C1QTNF7: variants seen among roughly 807,000 people sequenced by gnomAD.
C1QTNF7 encodes C1q and TNF related 7.
Under a neutral mutation model 19.6 loss-of-function variants are expected in C1QTNF7, and 15 were observed. The ratio of observed to expected loss-of-function variants is 0.76; its 90% CI spans 0.51 to 1.18. The LOEUF (loss-of-function observed/expected upper bound fraction) is 1.18. C1QTNF7 is among the 50% of genes most tolerant of loss of function. The pLI is 0.00. For synonymous variants in C1QTNF7, 142 were observed against 137.5 expected, an observed-to-expected ratio of 1.03 and a Z score of -0.23; for missense variants, 324 against 359.7, an observed-to-expected ratio of 0.90 and a Z score of 0.80.
chr4:15,358,321 T>C (rs1376087335), intron 1 of C1QTNF7: 1 of 152,218 alleles, frequency 6.6e-6, no homozygotes, highest in East Asian at 1.9e-4. Flanking sequence ...TCTGCATCTA[T>C]TGAGATAATC....
chr4:15,404,513 T>C (rs1719124095), intron 1 of C1QTNF7, among the ~76,000 whole-genome samples: 1 of 152,238 alleles, frequency 6.6e-6, no homozygotes, highest in African/African-American at 2.4e-5. Context: ...TTTTTTATGC[T>C]AGTATTATAA....
intron 1 of C1QTNF7, among the ~76,000 whole-genome samples, chr4:15,368,345 G>A (rs1054185786): frequency 6.6e-6 from 1 of 151,876 alleles, no homozygotes; most frequent in African/African-American, 2.4e-5. Context: ...CAACTTGCAG[G>A]TTTGTTACAT....
chr4:15,348,519 G>T (rs1372782655), intron 1 of C1QTNF7, among the ~76,000 whole-genome samples: 1 of 152,098 alleles, frequency 6.6e-6, no homozygotes, highest in Non-Finnish European at 1.5e-5. Flanking sequence ...TAAGTCAGGG[G>T]CTGTCATCTA....
chr4:15,405,241 G>T (rs897120491), intron 1 of C1QTNF7, among the ~76,000 whole-genome samples: 4 of 151,996 alleles, frequency 2.6e-5, no homozygotes, highest in Non-Finnish European at 4.4e-5. Context: ...CACTTGTGTC[G>T]AATGACAGCA....
rs1719451218 is a variant in C1QTNF7 at position 15,412,752 on chromosome 4, A to G, written c.14-22984A>G. On this transcript the variant is annotated intron_variant, in intron 1 of 2. Coordinates refer to the C1QTNF7 transcript ENST00000295297. ...GGAAAGTAAATTACACTAAAAGACA[A>G]CTTGAAAAGACACAAGTGCATCTGC... 2.6e-5 allele frequency among the ~76,000 whole-genome samples: 4 copies of G among 152,342 alleles called. 1 individual carries two copies. In the South Asian group the frequency reaches 8.3e-4, roughly 32 times the overall value.
chr4:15,350,754 C>T (rs1380743266), intron 1 of C1QTNF7, among the ~76,000 whole-genome samples: 3 of 152,124 alleles, frequency 2.0e-5, no homozygotes, highest in African/African-American at 7.2e-5. Flanking sequence ...GCAGATGAAA[C>T]CTATTAAAAT....
At chr4:15,353,832 G>A (rs1264702194) in intron 1 of C1QTNF7, among the ~76,000 whole-genome samples, 1 of 151,800 alleles carries the variant, frequency 6.6e-6, no homozygotes, top group African/African-American at 2.4e-5. Flanking sequence ...TGGAAAATGA[G>A]GCTGAAACTC....
chr4:15,344,774 A>G (rs559091478), intron 1 of C1QTNF7, among the ~76,000 whole-genome samples: 114 of 152,372 alleles, frequency 7.5e-4, no homozygotes, highest in African/African-American at 2.4e-3. Context: ...TAATAATAGT[A>G]TTGGCACACA....
intron 1 of C1QTNF7, among the ~76,000 whole-genome samples, chr4:15,364,837 C>T (rs968590205): frequency 2.0e-5 from 3 of 152,112 alleles, no homozygotes; most frequent in Non-Finnish European, 2.9e-5. Flanking sequence ...CTCATTGTCA[C>T]AGCTGTGTTA....
At position 15,442,447 on chromosome 4, in the gene C1QTNF7, A is replaced by G; in HGVS notation, c.518A>G (p.Asn173Ser). The G allele has an allele frequency of 1.2e-6, 2 of 1,614,232 alleles. No individual in the cohort carries two copies. The highest frequency in any genetic ancestry group is 1.7e-6 in the Non-Finnish European group (2 of 1,180,042). Residue 173 changes from asparagine to serine, a missense_variant, in exon 3 of 3, where the codon AAC becomes AGC. Asn to Ser is a conservative substitution (Grantham distance 46). Coordinates refer to ENST00000444304, the MANE Select transcript of C1QTNF7 (RefSeq NM_031911.5). The part of the protein sequence containing the change: ...LPIIFNKVLF[N>S]EGEHYNPATG... ...ATTATATTTAACAAGGTCCTCTTCA[A>G]CGAGGGAGAGCACTACAACCCTGCC...
chr4:15,436,038 C>A lies in C1QTNF7; in HGVS notation c.238+57C>A, dbSNP rs1454103925. 6.4e-6 allele frequency: 10 copies of A among 1,553,854 alleles called. No homozygotes were observed. In the Admixed American group the frequency reaches 8.1e-5, roughly 13 times the overall value. ...CCTTCACCCCCACCTTAAAACTGTTCCCCTTTCTTTGTTACTTTTTCTAAT... is the reference window on the plus strand; with the variant it reads ...CCTTCACCCCCACCTTAAAACTGTTACCCTTTCTTTGTTACTTTTTCTAAT... On this transcript the variant is annotated intron_variant, in intron 2 of 2. Transcript: ENST00000444304.
At chr4:15,368,021 C>A (rs775380463) in intron 1 of C1QTNF7, among the ~76,000 whole-genome samples, 1 of 152,148 alleles carries the variant, frequency 6.6e-6, no homozygotes, top group Non-Finnish European at 1.5e-5. Context: ...TCCATTTACC[C>A]CTGAAAGTTT....
chr4:15,424,012 T>TA (rs1401993580), upstream of C1QTNF7, among the ~76,000 whole-genome samples: 2 of 152,196 alleles, frequency 1.3e-5, no homozygotes, highest in Admixed American at 6.5e-5. Flanking sequence ...ATGAAATGAA[T>TA]AAAAAATAAC....
chr4:15,372,635 T>A (rs1214166623), intron 1 of C1QTNF7, among the ~76,000 whole-genome samples: 1 of 152,206 alleles, frequency 6.6e-6, no homozygotes, highest in Non-Finnish European at 1.5e-5. Context: ...CCATAAAATA[T>A]GAGTTGGACT....
chr4:15,420,363 G>A (rs1358752727), intron 1 of C1QTNF7, among the ~76,000 whole-genome samples: 1 of 152,182 alleles, frequency 6.6e-6, no homozygotes, highest in Non-Finnish European at 1.5e-5. Context: ...TTCTGATCAC[G>A]TAGATGAGAT....
At chr4:15,359,923 A>T (rs1717277546) in intron 1 of C1QTNF7, among the ~76,000 whole-genome samples, 1 of 152,096 alleles carries the variant, frequency 6.6e-6, no homozygotes, top group South Asian at 2.1e-4. Context: ...CACCCTTCCT[A>T]GACATGGTAA....
At chr4:15,399,595 G>A (rs1718912184) in intron 1 of C1QTNF7, among the ~76,000 whole-genome samples, 1 of 152,146 alleles carries the variant, frequency 6.6e-6, no homozygotes, top group African/African-American at 2.4e-5. Flanking sequence ...TAAAGACTTA[G>A]CCCAATGTTT....
chr4:15,357,758 C>T (rs1717197378), intron 1 of C1QTNF7, among the ~76,000 whole-genome samples: 1 of 152,006 alleles, frequency 6.6e-6, no homozygotes, highest in African/African-American at 2.4e-5. Context: ...CTCTTATTTC[C>T]TTGAGCAGTG....
intron 1 of C1QTNF7, among the ~76,000 whole-genome samples, chr4:15,430,273 C>T (rs1712245080): frequency 6.6e-6 from 1 of 152,150 alleles, no homozygotes; most frequent in South Asian, 2.1e-4. Flanking sequence ...GCATCCAGGA[C>T]AGACGTGTTC....
Sources: allele counts gnomAD v4.1 joint callset (sites outside exome capture counted in the v4.1 genomes callset), GRCh38; gene constraint gnomAD v4.1.1; transcripts MANE v1.5; gene names NCBI Gene and HGNC (gene_info 2026-07-23, HGNC 2026-07-21).